Variants in KCNQ1 observed in about 807,000 individuals in gnomAD.
KCNQ1 encodes potassium voltage-gated channel subfamily KQT member 1.
KCNQ1 carries 49 observed loss-of-function variants against 72.4 expected under a neutral mutation model. That is an observed-to-expected ratio of 0.68 (90% CI 0.54 to 0.86). The LOEUF (loss-of-function observed/expected upper bound fraction) is 0.86. Ranked by LOEUF, KCNQ1 falls within the 40% of genes least tolerant of loss-of-function variation. The probability of loss-of-function intolerance (pLI) is 0.00; values close to 1 mark genes in which losing one functional copy is unlikely to be tolerated. For synonymous variants in KCNQ1, 450 were observed against 412.6 expected (o/e 1.09, Z -1.10); for missense variants, 790 against 945.1 (o/e 0.84, Z 2.15).
At chr11:2,693,651 G>A in intron 11 of KCNQ1, 1 of 398,642 alleles carries the variant, frequency 2.5e-6, no homozygotes, top group Non-Finnish European at 4.4e-6. Context: ...TGGGAGAAAG[G>A]CTTTTAGTTC....
At chr11:2,825,099 C>T (rs138906981) in intron 15 of KCNQ1, among the ~76,000 whole-genome samples, 146 of 152,316 alleles carry the variant, frequency 9.6e-4, no homozygotes, top group Non-Finnish European at 1.7e-3. Context: ...AGCCTGGACA[C>T]GGCTGTCCCA....
chr11:2,723,335 A>G lies in KCNQ1; in HGVS notation c.1515-45509A>G, dbSNP rs1417568759. Among the ~76,000 whole-genome samples the G allele has an allele frequency of 2.0e-5, 3 of 152,140 alleles. No individual in the cohort carries two copies. Among genetic ancestry groups the G allele is most frequent in the African/African-American group, 2.4e-5 (1 of 41,414 alleles). On this transcript the variant is annotated intron_variant, in intron 11 of 15. Transcript: ENST00000155840. The surrounding 1 kb of genome is among the most constrained non-coding windows in gnomAD (Gnocchi z 4.2). ...CCGCAGCCTCCCCCGGGACACTGCA[A>G]CCCTCAAGACTCCTAGCAAGCCCCT...
chr11:2,605,041 C>A (rs1329238879), intron 10 of KCNQ1, among the ~76,000 whole-genome samples: 1 of 152,222 alleles, frequency 6.6e-6, no homozygotes, highest in Non-Finnish European at 1.5e-5. Flanking sequence ...TTCCCTGTGA[C>A]TACTCACGTT....
chr11:2,651,912 G>C lies in KCNQ1; in HGVS notation c.1394-10049G>C, dbSNP rs1031246786. The C allele has an allele frequency of 2.5e-6, 1 of 398,636 alleles. No individual in the cohort carries two copies. Among genetic ancestry groups the C allele is most frequent in the Non-Finnish European group, 4.4e-6 (1 of 226,188 alleles). 24.7% of individuals were successfully genotyped at this position (398,636 alleles called of 1,614,324 possible). On this transcript the variant is annotated intron_variant, in intron 10 of 15. Coordinates refer to ENST00000155840, the MANE Select transcript of KCNQ1 (RefSeq NM_000218.3). The surrounding 1 kb of genome is among the most constrained non-coding windows in gnomAD (Gnocchi z 6.1). Reference sequence around the variant, plus strand: ...CATAGCCGAGGGTCCCTCTGGGGCCGCTTGCTCTCCTCCTACTCACAGCCC... The same window carrying C: ...CATAGCCGAGGGTCCCTCTGGGGCCCCTTGCTCTCCTCCTACTCACAGCCC...
At position 2,766,457 on chromosome 11, in the gene KCNQ1, C is replaced by T. The variant is rs997436808; in HGVS notation, c.1515-2387C>T. ...TAGCTCAGACTTGTCCATGAGCCAA[C>T]AGAATTCTAAGAGGGTAAGAGTAGA... is the stretch of plus-strand genomic sequence containing the variant. On this transcript the variant is annotated intron_variant, in intron 11 of 15. Coordinates refer to ENST00000155840, the MANE Select transcript of KCNQ1 (RefSeq NM_000218.3). This position sits in a 1 kb window ranked among gnomAD's most constrained non-coding sequence, Gnocchi z 4.4. Among the ~76,000 whole-genome samples the T allele has an allele frequency of 6.6e-6, 1 of 152,206 alleles. No individual in the cohort carries two copies.
At chr11:2,583,392 C>G in intron 6 of KCNQ1, 43 bp from the exon 7 acceptor site, 3 of 1,421,536 alleles carry the variant, frequency 2.1e-6, no homozygotes, top group South Asian at 1.1e-5. Context: ...CCTCCCGAGG[C>G]TCCAGTCCCA....
chr11:2,454,109 A>C (rs374661561), intron 1 of KCNQ1, among the ~76,000 whole-genome samples: 1 of 151,898 alleles, frequency 6.6e-6, no homozygotes, highest in Non-Finnish European at 1.5e-5. Flanking sequence ...CAGTGAATAA[A>C]AATATAGCAG....
chr11:2,789,539 G>A (rs550460620), intron 15 of KCNQ1, among the ~76,000 whole-genome samples: 46 of 152,316 alleles, frequency 3.0e-4, no homozygotes, highest in African/African-American at 1.1e-3. Flanking sequence ...TTGATGTGTT[G>A]CTCAGTAAGA....
chr11:2,525,779 CATG>C (rs1169157564), intron 1 of KCNQ1, among the ~76,000 whole-genome samples: 1 of 152,156 alleles, frequency 6.6e-6, no homozygotes, highest in African/African-American at 2.4e-5. Context: ...GAGGAAGGGT[CATG>C]GTGGTGGGGA....
rs2133847147 is a variant in KCNQ1 at position 2,654,623 on chromosome 11, G to A, written c.1394-7338G>A. ...TGGTTGGGTGAAGTTACTAGGAAGG[G>A]CCCAGACACTGGCGAGAGTCTCTTG... is the stretch of plus-strand genomic sequence containing the variant. On this transcript the variant is annotated intron_variant, in intron 10 of 15. Transcript: ENST00000155840. The surrounding 1 kb of genome is among the most constrained non-coding windows in gnomAD (Gnocchi z 6.4). The A allele has an allele frequency of 2.5e-6, 1 of 398,790 alleles. No individual in the cohort carries two copies. Among genetic ancestry groups the A allele is most frequent in the Non-Finnish European group, 4.4e-6 (1 of 226,246 alleles). The allele number at this position is 398,790 out of a possible 1,614,324, so 24.7% of individuals were successfully genotyped here.
chr11:2,488,546 G>A lies in KCNQ1; in HGVS notation c.387-39382G>A, dbSNP rs554273178. ...ATCTCCTCACTAGTTATAGGTCCAT[G>A]AAGATTTTGTATTTCTTTGTGATTT... On this transcript the variant is annotated intron_variant, in intron 1 of 15. Transcript: ENST00000155840. This position sits in a 1 kb window ranked among gnomAD's most constrained non-coding sequence, Gnocchi z 5.1. 2.0e-5 allele frequency among the ~76,000 whole-genome samples: 3 copies of A among 152,250 alleles called. No individual in the cohort carries two copies. The East Asian group carries it at 5.8e-4, about 29-fold the overall frequency.
rs1040423532 is a variant in KCNQ1 at position 2,599,227 on chromosome 11, C to T, written c.1393+10373C>T. On this transcript the variant is annotated intron_variant, in intron 10 of 15. Coordinates refer to ENST00000155840, the MANE Select transcript of KCNQ1 (RefSeq NM_000218.3). The surrounding 1 kb of genome is among the most constrained non-coding windows in gnomAD (Gnocchi z 4.7). Reference sequence around the variant, plus strand: ...TAAAATACATGTGACATAATGAAGGCATTATCATTGTTTTCCAAACTCACG... The same window carrying T: ...TAAAATACATGTGACATAATGAAGGTATTATCATTGTTTTCCAAACTCACG... Among the ~76,000 whole-genome samples the T allele has an allele frequency of 6.6e-6, 1 of 152,140 alleles. No individual in the cohort carries two copies. The highest frequency in any genetic ancestry group is 2.4e-5 in the African/African-American group (1 of 41,426).
rs552114033 is a variant in KCNQ1, at chr11:2,664,829, G to A, written c.1514+2748G>A. 17 of 398,664 alleles carry A rather than the reference G, an allele frequency of 4.3e-5. No individual in the cohort carries two copies. Among genetic ancestry groups the A allele is most frequent in the Admixed American group, 3.5e-4 (8 of 22,740 alleles). The allele number at this position is 398,664 out of a possible 1,614,324, so 24.7% of individuals were successfully genotyped here. A position where few individuals can be genotyped will look rare whatever the true frequency, so the allele number is the denominator to read the frequency against. ...CATTTTTCTTCAGCATTCTACTGAT[G>A]TTAAATGTATTACCATGCTGGGCCA... On this transcript the variant is annotated intron_variant, in intron 11 of 15. Coordinates refer to ENST00000155840, the MANE Select transcript of KCNQ1 (RefSeq NM_000218.3). The surrounding 1 kb of genome is among the most constrained non-coding windows in gnomAD (Gnocchi z 5.1).
chr11:2,646,954 C>G (rs191870809), intron 10 of KCNQ1: 8 of 398,610 alleles, frequency 2.0e-5, no homozygotes, highest in African/African-American at 1.2e-4. Flanking sequence ...ATGACATTCT[C>G]TTTTCCAATT....
At position 2,725,607 on chromosome 11, in the gene KCNQ1, C is replaced by T. The variant is rs1402339282; in HGVS notation, c.1515-43237C>T. On this transcript the variant is annotated intron_variant, in intron 11 of 15. Transcript: ENST00000155840. The surrounding 1 kb of genome is among the most constrained non-coding windows in gnomAD (Gnocchi z 7.2). ...ACCCAAGTCAGACTTGCCCTCGCCC[C>T]CTTCCCGAACGTACCCTTTCCATGA... Among the ~76,000 whole-genome samples the T allele has an allele frequency of 1.3e-5, 2 of 152,240 alleles. No individual in the cohort carries two copies. The highest frequency in any genetic ancestry group is 1.3e-4 in the Admixed American group (2 of 15,290).
Position 2,451,617 on chromosome 11 carries a change from A to C in KCNQ1, c.386+6133A>C, listed in dbSNP as rs1158477236. On this transcript the variant is annotated intron_variant, in intron 1 of 15. Coordinates refer to ENST00000155840, the MANE Select transcript of KCNQ1 (RefSeq NM_000218.3). The surrounding 1 kb of genome is among the most constrained non-coding windows in gnomAD (Gnocchi z 6.4). Reference sequence around the variant, plus strand: ...GCTCCCTCATCGGCACCGGACTCTCAGGATGAGCCGCCTGGAGTCTGTTGG... The same window carrying C: ...GCTCCCTCATCGGCACCGGACTCTCCGGATGAGCCGCCTGGAGTCTGTTGG... 6.6e-6 allele frequency among the ~76,000 whole-genome samples: 1 copy of C among 152,168 alleles called. No homozygotes were observed. Among genetic ancestry groups the C allele is most frequent in the Non-Finnish European group, 1.5e-5 (1 of 68,020 alleles).
At position 2,627,781 on chromosome 11, in the gene KCNQ1, C is replaced by T. The variant is rs1383224777; in HGVS notation, c.1394-34180C>T. ...TTCCTTTCTTTTTGAGACAGGGTCT[C>T]CATCTGTCATCCAGGCAGGAGTACA... On this transcript the variant is annotated intron_variant, in intron 10 of 15. Transcript: ENST00000155840. The surrounding 1 kb of genome is among the most constrained non-coding windows in gnomAD (Gnocchi z 4.9). 2.5e-6 allele frequency: 1 copy of T among 398,250 alleles called. No homozygotes were observed. The highest frequency in any genetic ancestry group is 4.4e-6 in the Non-Finnish European group (1 of 226,060). The allele number at this position is 398,250 out of a possible 1,614,324, so 24.7% of individuals were successfully genotyped here.
intron 5 of KCNQ1, 137 bp downstream of exon 5, chr11:2,572,246 C>G (rs989659469): frequency 9.2e-6 from 6 of 653,372 alleles, no homozygotes; most frequent in Admixed American, 2.4e-5. Context: ...GGTACCTGAA[C>G]GGGGCCCAGG....
In KCNQ1 at chr11:2,698,210, T is replaced by C. The variant is rs1850711307; in HGVS notation, c.1514+36129T>C. 2 of 398,620 alleles carry C rather than the reference T, an allele frequency of 5.0e-6. No homozygotes were observed. Among genetic ancestry groups the C allele is most frequent in the East Asian group, 7.1e-5 (2 of 28,078 alleles). 24.7% of individuals were successfully genotyped at this position (398,620 alleles called of 1,614,324 possible). On this transcript the variant is annotated intron_variant, in intron 11 of 15. Coordinates refer to ENST00000155840, the MANE Select transcript of KCNQ1 (RefSeq NM_000218.3). This position sits in a 1 kb window ranked among gnomAD's most constrained non-coding sequence, Gnocchi z 5.1. ...GGCACCACAGTAAAGAAAGAACTGG[T>C]AAATGCACATCAAATGTGGATATTA...
Sources: allele counts gnomAD v4.1 joint callset (sites outside exome capture counted in the v4.1 genomes callset), GRCh38; gene constraint gnomAD v4.1.1; non-coding constraint Gnocchi (gnomAD v3.1); transcripts MANE v1.5; gene names NCBI Gene and HGNC (gene_info 2026-07-23, HGNC 2026-07-21).